The following PTPRT variants were observed in gnomAD, a reference collection of about 807,000 sequenced individuals.
PTPRT encodes receptor-type tyrosine-protein phosphatase T.
PTPRT carries 56 observed loss-of-function variants against 176.8 expected under a neutral mutation model. The observed-to-expected ratio is 0.32, with a 90% CI of 0.26 to 0.40. PTPRT has a LOEUF of 0.40. PTPRT is among the 10% of genes least tolerant of loss of function. The probability of loss-of-function intolerance (pLI) is 1.00; values close to 1 mark genes in which losing one functional copy is unlikely to be tolerated. For synonymous variants in PTPRT, 783 were observed against 739.0 expected (o/e 1.06, Z -0.96); for missense variants, 1,540 against 1,908.2 (o/e 0.81, Z 3.60).
chr20:43,168,515 G>A (rs981777622), intron 1 of PTPRT, among the ~76,000 whole-genome samples: 1 of 152,154 alleles, frequency 6.6e-6, no homozygotes, highest in East Asian at 1.9e-4. Context: ...CTATTGCATA[G>A]GAATTTTTTC....
At chr20:42,307,999 T>C (rs561557742) in intron 12 of PTPRT, among the ~76,000 whole-genome samples, 2 of 152,298 alleles carry the variant, frequency 1.3e-5, no homozygotes, top group African/African-American at 4.8e-5. Context: ...AAGCCACTTC[T>C]ACCGGCACCA....
chr20:43,095,095 A>G (rs1273349055), intron 1 of PTPRT, among the ~76,000 whole-genome samples: 1 of 152,100 alleles, frequency 6.6e-6, no homozygotes, highest in East Asian at 1.9e-4. Flanking sequence ...ATTGAGTGTC[A>G]TGCCCATTTG....
At chr20:42,178,544 T>C (rs2146576258) in intron 16 of PTPRT, among the ~76,000 whole-genome samples, 1 of 152,280 alleles carries the variant, frequency 6.6e-6, no homozygotes, top group South Asian at 2.1e-4. Flanking sequence ...CATGTATTAG[T>C]TATCCACTGC....
intron 1 of PTPRT, among the ~76,000 whole-genome samples, chr20:43,065,746 C>G (rs984844773): frequency 6.6e-6 from 1 of 152,124 alleles, no homozygotes; most frequent in African/African-American, 2.4e-5. Flanking sequence ...TGAAAGAGAC[C>G]AGGAAAGGTC....
intron 1 of PTPRT, among the ~76,000 whole-genome samples, chr20:43,172,764 A>T (rs1170263112): frequency 1.3e-5 from 2 of 152,182 alleles, no homozygotes; most frequent in African/African-American, 4.8e-5. Context: ...CAGATGATAA[A>T]ATCGAGGCTC....
intron 1 of PTPRT, among the ~76,000 whole-genome samples, chr20:43,186,344 A>C (rs1600782780): frequency 6.6e-6 from 1 of 151,476 alleles, no homozygotes; most frequent in South Asian, 2.1e-4. Flanking sequence ...CCCTGCGCCC[A>C]CCCTCGCCCC....
chr20:42,202,083 C>T (rs1224930080), intron 15 of PTPRT, among the ~76,000 whole-genome samples: 2 of 152,122 alleles, frequency 1.3e-5, no homozygotes, highest in Non-Finnish European at 1.5e-5. Flanking sequence ...AATTCTCATG[C>T]CTCAGCCTCC....
intron 1 of PTPRT, among the ~76,000 whole-genome samples, chr20:43,000,291 T>G (rs1984491240): frequency 6.6e-6 from 1 of 151,496 alleles, no homozygotes; most frequent in South Asian, 2.1e-4. Context: ...AAAAATCAAC[T>G]AGACTATTTC....
At chr20:42,395,087 C>G (rs1462088715) in intron 9 of PTPRT, among the ~76,000 whole-genome samples, 1 of 152,184 alleles carries the variant, frequency 6.6e-6, no homozygotes, top group Non-Finnish European at 1.5e-5. Flanking sequence ...CTGCTAACCT[C>G]AAGTGCTCCC....
rs74761561 is a variant in PTPRT, at chr20:42,333,268, A to C, written c.1866-17272T>G. ...TTAAAAAAGATTTGCAAAATGTGAAACTGTATCTCTTCACCCTAACTTTAT... is the reference window on the plus strand; with the variant it reads ...TTAAAAAAGATTTGCAAAATGTGAACCTGTATCTCTTCACCCTAACTTTAT... On this transcript the variant is annotated intron_variant, in intron 11 of 30. Transcript: ENST00000373187. 4.2e-3 allele frequency among the ~76,000 whole-genome samples: 647 copies of C among 152,314 alleles called. 3 individuals are homozygous for C. Among genetic ancestry groups the C allele is most frequent in the African/African-American group, 0.014 (600 of 41,558 alleles).
intron 17 of PTPRT, among the ~76,000 whole-genome samples, chr20:42,158,405 C>T (rs1243398702): frequency 6.6e-6 from 1 of 152,126 alleles, no homozygotes; most frequent in Non-Finnish European, 1.5e-5. Context: ...TCTTCTGATG[C>T]AGCTTGCTAT....
At position 43,009,239 on chromosome 20, in the gene PTPRT, A is replaced by T. The variant is rs141048981; in HGVS notation, c.89-123307T>A. ...AAAGACTAAACATAGACAATATTTC[A>T]TCTCTCAATCCATCTATTCAATCAT... On this transcript the variant is annotated intron_variant, in intron 1 of 30. Coordinates refer to ENST00000373187, the MANE Select transcript of PTPRT (RefSeq NM_007050.6). 4.1e-3 allele frequency among the ~76,000 whole-genome samples: 620 copies of T among 152,310 alleles called. 5 individuals are homozygous for T. Among genetic ancestry groups the T allele is most frequent in the African/African-American group, 0.012 (516 of 41,558 alleles).
chr20:43,042,708 C>CCCTCCCACCCACCATCTCT (rs1986661643), intron 1 of PTPRT, among the ~76,000 whole-genome samples: 2 of 107,056 alleles, frequency 1.9e-5, no homozygotes, highest in African/African-American at 9.7e-5. Flanking sequence ...CTTCCACCCA[C>CCCTCCCACCCACCATCTCT]CCTCCCACCC....
chr20:42,760,334 A>G (rs1036121085), intron 5 of PTPRT, among the ~76,000 whole-genome samples: 11 of 150,364 alleles, frequency 7.3e-5, no homozygotes, highest in Non-Finnish European at 1.3e-4. Context: ...CTGAAATCCA[A>G]TGAGCTACTG....
At chr20:42,244,551 G>A (rs1475637316) in intron 14 of PTPRT, among the ~76,000 whole-genome samples, 1 of 152,178 alleles carries the variant, frequency 6.6e-6, no homozygotes, top group Non-Finnish European at 1.5e-5. Context: ...ACGGGTTAGT[G>A]TAGGATCCAG....
intron 1 of PTPRT, among the ~76,000 whole-genome samples, chr20:43,048,380 A>G (rs1218449576): frequency 1.3e-5 from 2 of 152,138 alleles, no homozygotes; most frequent in Admixed American, 6.5e-5. Context: ...CAGGCTAACT[A>G]TGGGTCCTAG....
At chr20:42,919,125 T>C (rs1008118697) in intron 1 of PTPRT, among the ~76,000 whole-genome samples, 1 of 152,174 alleles carries the variant, frequency 6.6e-6, no homozygotes, top group African/African-American at 2.4e-5. Context: ...AGAGTCCTTC[T>C]CTGTAGGCAC....
At chr20:42,375,590 A>T (rs1336824297) in intron 9 of PTPRT, among the ~76,000 whole-genome samples, 1 of 152,174 alleles carries the variant, frequency 6.6e-6, no homozygotes, top group Non-Finnish European at 1.5e-5. Flanking sequence ...AGCCTCCTAG[A>T]AGTTTGAGAA....
In PTPRT at chr20:42,128,747, C is replaced by T. The variant is rs1162089482; in HGVS notation, c.2847+7G>A. 1 of 1,582,866 alleles carries T rather than the reference C, an allele frequency of 6.3e-7. No homozygotes were observed. The highest frequency in any genetic ancestry group is 8.6e-7 in the Non-Finnish European group (1 of 1,162,248). Reference sequence around the variant, plus strand: ...GCCCCAGCCCCCAGCCCCATTAAGACACTCACGTCAATGTAGTTGGCATTG... The same window carrying T: ...GCCCCAGCCCCCAGCCCCATTAAGATACTCACGTCAATGTAGTTGGCATTG... On this transcript the variant is annotated splice_region_variant and intron_variant, in intron 19 of 30. Coordinates refer to ENST00000373187, the MANE Select transcript of PTPRT (RefSeq NM_007050.6).
Sources: allele counts gnomAD v4.1 joint callset (sites outside exome capture counted in the v4.1 genomes callset), GRCh38; gene constraint gnomAD v4.1.1; transcripts MANE v1.5; gene names NCBI Gene and HGNC (gene_info 2026-07-23, HGNC 2026-07-21).